The following FSTL4 variants were observed in gnomAD, a reference collection of about 807,000 sequenced individuals.
FSTL4 encodes the protein follistatin like 4.
In FSTL4, 28 loss-of-function variants were observed where a neutral mutation model predicts 78.2. That is an observed-to-expected ratio of 0.36 (90% CI 0.27 to 0.49). FSTL4 has a LOEUF of 0.49. Among genes scored for constraint, FSTL4 ranks in the 20% least tolerant of loss-of-function variants. The pLI is 0.98. For missense variants in FSTL4, 922 were observed against 1,084.9 expected (o/e 0.85, Z 2.11); for synonymous variants, 422 against 440.5 (o/e 0.96, Z 0.53).
intron 3 of FSTL4, among the ~76,000 whole-genome samples, chr5:133,462,178 G>A (rs751781173): frequency 6.6e-6 from 1 of 152,222 alleles, no homozygotes. Flanking sequence ...CACGACAACT[G>A]CTTCTGTGAC....
intron 4 of FSTL4, among the ~76,000 whole-genome samples, chr5:133,364,130 T>TCCAGCATCAGCATCA: frequency 6.6e-6 from 1 of 152,256 alleles, no homozygotes; most frequent in Non-Finnish European, 1.5e-5. Context: ...AGCAGGCGAT[T>TCCAGCATCAGCATCA]GACAACTCAG....
chr5:133,449,793 G>A (rs1757346410), intron 3 of FSTL4, among the ~76,000 whole-genome samples: 1 of 152,118 alleles, frequency 6.6e-6, no homozygotes, highest in African/African-American at 2.4e-5. Context: ...CATTTTCCCT[G>A]CGGGTCTTTT....
the FSTL4 span, among the ~76,000 whole-genome samples, chr5:133,788,673 A>G: frequency 7.2e-5 from 11 of 152,162 alleles, no homozygotes; most frequent in African/African-American, 2.7e-4. Context: ...CACCCAGACC[A>G]TGCTCATTGT....
At chr5:133,358,055 T>G (rs1754978881) in intron 4 of FSTL4, among the ~76,000 whole-genome samples, 1 of 152,198 alleles carries the variant, frequency 6.6e-6, no homozygotes. Flanking sequence ...GGCCACCTGC[T>G]ATCTGCTCAG....
At chr5:133,457,014 A>C (rs1465227440) in intron 3 of FSTL4, among the ~76,000 whole-genome samples, 1 of 152,138 alleles carries the variant, frequency 6.6e-6, no homozygotes, top group Non-Finnish European at 1.5e-5. Context: ...GTGAGATTCC[A>C]TTCCTCTGAC....
the FSTL4 span, among the ~76,000 whole-genome samples, chr5:133,663,931 T>C: frequency 1.1e-4 from 16 of 152,154 alleles, no homozygotes; most frequent in African/African-American, 3.6e-4. Context: ...GGAGAGCCAG[T>C]GTGGGGAGCC....
chr5:133,507,207 AAAAAT>A (rs1195165604), intron 3 of FSTL4, among the ~76,000 whole-genome samples: 1 of 152,204 alleles, frequency 6.6e-6, no homozygotes, highest in African/African-American at 2.4e-5. Flanking sequence ...CTCTGTCTCA[AAAAAT>A]AAAATAAATA....
chr5:133,837,503 G>A, the FSTL4 span, among the ~76,000 whole-genome samples: 1 of 152,186 alleles, frequency 6.6e-6, no homozygotes, highest in South Asian at 2.1e-4. Flanking sequence ...GTGAGTTTCT[G>A]GATGATGTGG....
intron 6 of FSTL4, among the ~76,000 whole-genome samples, chr5:133,254,225 G>C (rs999863740): frequency 6.6e-6 from 1 of 152,224 alleles, no homozygotes; most frequent in Non-Finnish European, 1.5e-5. Flanking sequence ...CTTCGACAGT[G>C]GCATTCTCTA....
chr5:133,351,369 A>G (rs1754819575), intron 4 of FSTL4, among the ~76,000 whole-genome samples: 1 of 152,136 alleles, frequency 6.6e-6, no homozygotes, highest in Admixed American at 6.5e-5. Context: ...AGATGAAAGT[A>G]TTTTTCAATT....
Position 133,225,113 on chromosome 5 carries a change from C to CCAG in FSTL4, c.1312+34_1312+36dup. On this transcript the variant is annotated intron_variant, in intron 10 of 15. Transcript: ENST00000265342. This position sits in a 1 kb window ranked among gnomAD's most constrained non-coding sequence, Gnocchi z 4.6. ...TCCCTTGCCACCCAACACCTCCCAGCCAGCTCAGTGAGAAGCATAAACGCG... is the reference window on the plus strand; with the variant it reads ...TCCCTTGCCACCCAACACCTCCCAGCCAGCAGCTCAGTGAGAAGCATAAACGCG... 6.2e-7 allele frequency: 1 copy of CCAG among 1,613,584 alleles called. No individual in the cohort carries two copies. Among genetic ancestry groups the CCAG allele is most frequent in the Non-Finnish European group, 8.5e-7 (1 of 1,179,698 alleles).
At position 133,225,306 on chromosome 5, in the gene FSTL4, G is replaced by A. The variant is rs530730747; in HGVS notation, c.1178-22C>T. On this transcript the variant is annotated intron_variant, in intron 9 of 15. Coordinates refer to ENST00000265342, the MANE Select transcript of FSTL4 (RefSeq NM_015082.2). The surrounding 1 kb of genome is among the most constrained non-coding windows in gnomAD (Gnocchi z 4.6). ...TTGGCTGCAGACAGGACAGTGCTCA[G>A]GGTGGACTGCTCAGCTGGAGACCCA... The A allele has an allele frequency of 3.1e-6, 5 of 1,614,080 alleles. No individual in the cohort carries two copies. The South Asian group carries it at 5.5e-5, about 18-fold the overall frequency.
intron 8 of FSTL4, among the ~76,000 whole-genome samples, chr5:133,231,371 C>T (rs1245535317): frequency 6.6e-6 from 1 of 151,964 alleles, no homozygotes; most frequent in Non-Finnish European, 1.5e-5. Context: ...GGAGGGTCTA[C>T]GTGGGTGTGT....
the FSTL4 span, among the ~76,000 whole-genome samples, chr5:133,783,128 A>G: frequency 6.6e-6 from 1 of 152,186 alleles, no homozygotes; most frequent in African/African-American, 2.4e-5. Flanking sequence ...ACCCAAGTAC[A>G]CAAACTCCCA....
the FSTL4 span, among the ~76,000 whole-genome samples, chr5:133,626,159 C>G: frequency 8.2e-5 from 1 of 12,234 alleles, no homozygotes; most frequent in Admixed American, 1.4e-3. Flanking sequence ...TATATATATT[C>G]CATATATATA....
the FSTL4 span, among the ~76,000 whole-genome samples, chr5:133,618,240 A>G: frequency 9.2e-5 from 14 of 152,216 alleles, no homozygotes; most frequent in Non-Finnish European, 1.6e-4. Context: ...CTTCCTCTCA[A>G]AATACCTTAT....
chr5:133,710,400 C>G, the FSTL4 span, among the ~76,000 whole-genome samples: 5 of 152,208 alleles, frequency 3.3e-5, no homozygotes, highest in African/African-American at 1.2e-4. Context: ...TGGGTTTACA[C>G]TTACTGTCCA....
chr5:133,684,881 A>G, the FSTL4 span, among the ~76,000 whole-genome samples: 1 of 152,174 alleles, frequency 6.6e-6, no homozygotes, highest in African/African-American at 2.4e-5. Flanking sequence ...ATAATTATTC[A>G]TTGTTTTATT....
intron 3 of FSTL4, among the ~76,000 whole-genome samples, chr5:133,493,459 A>T (rs2112870330): frequency 6.6e-6 from 1 of 152,350 alleles, no homozygotes; most frequent in East Asian, 1.9e-4. Flanking sequence ...GTCTAGGCAG[A>T]CCACAAGCTA....
Sources: allele counts gnomAD v4.1 joint callset (sites outside exome capture counted in the v4.1 genomes callset), GRCh38; gene constraint gnomAD v4.1.1; non-coding constraint Gnocchi (gnomAD v3.1); transcripts MANE v1.5; gene names NCBI Gene and HGNC (gene_info 2026-07-23, HGNC 2026-07-21).